CSMD3: variants seen among roughly 807,000 people sequenced by gnomAD.
The protein encoded by CSMD3 is CUB and Sushi multiple domains 3.
A neutral mutation model predicts 435.2 loss-of-function variants in CSMD3; 177 were observed. That is an observed-to-expected ratio of 0.41 (90% CI 0.36 to 0.46). The LOEUF (loss-of-function observed/expected upper bound fraction) is 0.46, where lower values mean the gene tolerates loss of function less well. CSMD3 is among the 20% of genes least tolerant of loss of function. The probability of loss-of-function intolerance (pLI) is 0.34; values close to 1 mark genes in which losing one functional copy is unlikely to be tolerated. For synonymous variants in CSMD3, 1,656 were observed against 1,520.5 expected, an observed-to-expected ratio of 1.09 and a Z score of -2.07; for missense variants, 4,265 against 4,504.6, an observed-to-expected ratio of 0.95 and a Z score of 1.52.
At chr8:112,674,042 T>G (rs1426325019) in intron 16 of CSMD3, among the ~76,000 whole-genome samples, 1 of 152,104 alleles carries the variant, frequency 6.6e-6, no homozygotes, top group East Asian at 1.9e-4. Flanking sequence ...TCACTTCTAG[T>G]ATTTAAAAAC....
intron 3 of CSMD3, among the ~76,000 whole-genome samples, chr8:113,236,583 A>G (rs945924029): frequency 2.0e-5 from 3 of 151,892 alleles, no homozygotes; most frequent in South Asian, 2.1e-4. Context: ...TTAGAACTCC[A>G]GTCTCTTCAG....
intron 69 of CSMD3, among the ~76,000 whole-genome samples, chr8:112,230,156 G>A (rs1457123271): frequency 8.5e-5 from 13 of 152,118 alleles, no homozygotes; most frequent in Admixed American, 8.5e-4. Context: ...TTCTTAAAAG[G>A]AAATAGTTCC....
intron 23 of CSMD3, among the ~76,000 whole-genome samples, chr8:112,586,482 TA>T: frequency 6.6e-6 from 1 of 151,512 alleles, no homozygotes; most frequent in East Asian, 1.9e-4. Context: ...GATATTTGAT[TA>T]TTTCAAAGTG....
chr8:112,532,020 A>AT (rs1825588675), intron 27 of CSMD3, among the ~76,000 whole-genome samples: 1 of 151,308 alleles, frequency 6.6e-6, no homozygotes. Context: ...TTATATATAT[A>AT]AATATAAATA....
At chr8:112,745,370 A>T (rs2077403294) in intron 13 of CSMD3, among the ~76,000 whole-genome samples, 1 of 152,134 alleles carries the variant, frequency 6.6e-6, no homozygotes, top group Non-Finnish European at 1.5e-5. Context: ...CATATGTTCC[A>T]AATTATAAAA....
chr8:112,656,824 A>G (rs1469881300), intron 17 of CSMD3, among the ~76,000 whole-genome samples: 1 of 152,066 alleles, frequency 6.6e-6, no homozygotes, highest in African/African-American at 2.4e-5. Context: ...ATTTTTGGAC[A>G]AATCTATTTC....
chr8:113,295,974 A>T (rs1239869204), intron 2 of CSMD3, among the ~76,000 whole-genome samples: 1 of 152,150 alleles, frequency 6.6e-6, no homozygotes, highest in Non-Finnish European at 1.5e-5. Flanking sequence ...GCCATAAAAA[A>T]GGATAAGTTC....
intron 28 of CSMD3, among the ~76,000 whole-genome samples, chr8:112,516,380 A>G (rs1056045840): frequency 6.6e-6 from 1 of 152,200 alleles, no homozygotes; most frequent in Admixed American, 6.6e-5. Context: ...AGATTAAACT[A>G]GTTTAATGAT....
chr8:112,925,523 A>C (rs1272755311), intron 9 of CSMD3, among the ~76,000 whole-genome samples: 1 of 151,880 alleles, frequency 6.6e-6, no homozygotes, highest in Non-Finnish European at 1.5e-5. Context: ...AGATCGCGCT[A>C]CTGCACTCGA....
intron 1 of CSMD3, among the ~76,000 whole-genome samples, chr8:113,360,927 C>T (rs965672538): frequency 1.6e-4 from 25 of 152,000 alleles, no homozygotes; most frequent in Middle Eastern, 6.8e-3. Context: ...CTAATGGATT[C>T]AAAGAAATGG....
Position 112,292,522 on chromosome 8 carries a change from T to C in CSMD3, c.8788+15A>G, listed in dbSNP as rs370753755. On this transcript the variant is annotated intron_variant, in intron 55 of 70. Transcript: ENST00000297405. ...ATTATCATGCCACCAAATGGGAATA[T>C]ACTTAGACATTTACCTTTGCACATA... is the stretch of plus-strand genomic sequence containing the variant. 8.8e-5 allele frequency: 142 copies of C among 1,612,632 alleles called. No individual in the cohort carries two copies. Among genetic ancestry groups the C allele is most frequent in the Non-Finnish European group, 1.1e-4 (135 of 1,178,780 alleles).
chr8:113,258,300 T>C (rs975719034), intron 3 of CSMD3, among the ~76,000 whole-genome samples: 3 of 152,220 alleles, frequency 2.0e-5, no homozygotes, highest in Non-Finnish European at 4.4e-5. Context: ...TTTTCATCTT[T>C]ATAAAAAGAT....
At chr8:112,674,650 A>G (rs935563445) in intron 16 of CSMD3, among the ~76,000 whole-genome samples, 1 of 152,136 alleles carries the variant, frequency 6.6e-6, no homozygotes, top group African/African-American at 2.4e-5. Context: ...TGAACTAAAC[A>G]GCTCTCCCTC....
chr8:112,977,095 G>C (rs1021133625), intron 6 of CSMD3, among the ~76,000 whole-genome samples: 4 of 151,842 alleles, frequency 2.6e-5, no homozygotes, highest in African/African-American at 9.7e-5. Flanking sequence ...TTTTAAAGGA[G>C]GTTGTTCATG....
At chr8:112,577,442 A>C in intron 23 of CSMD3, among the ~76,000 whole-genome samples, 1 of 152,102 alleles carries the variant, frequency 6.6e-6, no homozygotes, top group East Asian at 1.9e-4. Context: ...TGAGACTCTT[A>C]GTGCTCATAT....
chr8:112,555,475 A>C (rs1828036241), intron 25 of CSMD3, among the ~76,000 whole-genome samples: 1 of 151,956 alleles, frequency 6.6e-6, no homozygotes, highest in Admixed American at 6.6e-5. Flanking sequence ...TCTCATAACC[A>C]ATGCCAATGG....
intron 17 of CSMD3, among the ~76,000 whole-genome samples, chr8:112,657,457 C>A: frequency 6.6e-6 from 1 of 152,156 alleles, no homozygotes; most frequent in East Asian, 1.9e-4. Context: ...TCTATGATGT[C>A]TGATCTTATT....
intron 6 of CSMD3, among the ~76,000 whole-genome samples, chr8:112,998,916 G>A (rs1053594385): frequency 2.0e-5 from 3 of 151,942 alleles, no homozygotes; most frequent in Admixed American, 6.6e-5. Flanking sequence ...TAAGTTTCCT[G>A]AGGCCTCCCC....
intron 13 of CSMD3, among the ~76,000 whole-genome samples, chr8:112,696,280 C>A (rs893632549): frequency 1.9e-4 from 29 of 152,086 alleles, no homozygotes; most frequent in African/African-American, 7.0e-4. Context: ...AATCCTAAGC[C>A]AAAAGAACAA....
Sources: gnomAD v4.1 joint callset for allele counts (sites outside exome capture counted in the v4.1 genomes callset) on GRCh38, gnomAD v4.1.1 for gene constraint, MANE v1.5 for transcripts, NCBI Gene and HGNC (gene_info 2026-07-23, HGNC 2026-07-21) for gene names.